CCSER1: variants seen among roughly 807,000 people sequenced by gnomAD.
CCSER1 encodes coiled-coil serine rich protein 1.
CCSER1 carries 41 observed loss-of-function variants against 82.0 expected under a neutral mutation model. The ratio of observed to expected loss-of-function variants is 0.50; its 90% CI spans 0.39 to 0.65. CCSER1 has a LOEUF of 0.65. Ranked by LOEUF, CCSER1 falls within the 30% of genes least tolerant of loss-of-function variation. The pLI is 0.00. For missense variants in CCSER1, 1,119 were observed against 1,064.2 expected, an observed-to-expected ratio of 1.05 and a Z score of -0.72; for synonymous variants, 414 against 383.9, an observed-to-expected ratio of 1.08 and a Z score of -0.92.
intron 8 of CCSER1, among the ~76,000 whole-genome samples, chr4:90,869,819 G>A (rs1766218647): frequency 6.6e-6 from 1 of 151,274 alleles, no homozygotes; most frequent in Non-Finnish European, 1.5e-5. Flanking sequence ...AACAGTATTG[G>A]GTCTTCTAAT....
intron 5 of CCSER1, among the ~76,000 whole-genome samples, chr4:90,562,281 G>A (rs538689800): frequency 6.6e-5 from 10 of 151,478 alleles, no homozygotes; most frequent in South Asian, 2.1e-4. Context: ...TGCAAAAGCC[G>A]TTCTTCAGCA....
chr4:90,419,467 A>G, intron 4 of CCSER1, among the ~76,000 whole-genome samples: 1 of 151,974 alleles, frequency 6.6e-6, no homozygotes, highest in Admixed American at 6.6e-5. Context: ...TACTCTGGTT[A>G]AAGAACTTAT....
chr4:91,115,604 G>T (rs1581584879), intron 10 of CCSER1, among the ~76,000 whole-genome samples: 2 of 151,900 alleles, frequency 1.3e-5, no homozygotes, highest in African/African-American at 2.4e-5. Flanking sequence ...TACTGATAAA[G>T]ACTAGAGAAA....
At chr4:90,417,081 G>T (rs1167059465) in intron 4 of CCSER1, among the ~76,000 whole-genome samples, 1 of 152,130 alleles carries the variant, frequency 6.6e-6, no homozygotes, top group Admixed American at 6.5e-5. Flanking sequence ...AGAGAATTAG[G>T]ACAAATACCT....
At chr4:90,722,183 C>T (rs1158624862) in intron 6 of CCSER1, among the ~76,000 whole-genome samples, 2 of 151,710 alleles carry the variant, frequency 1.3e-5, no homozygotes, top group East Asian at 1.9e-4. Context: ...TCAATTTTTA[C>T]AAATGAATGT....
intron 8 of CCSER1, among the ~76,000 whole-genome samples, chr4:90,835,849 C>T (rs1056727555): frequency 6.6e-6 from 1 of 151,804 alleles, no homozygotes; most frequent in South Asian, 2.1e-4. Flanking sequence ...GAATCTCATG[C>T]CATTGTGAAA....
chr4:91,294,236 A>G (rs1743988074), intron 10 of CCSER1, among the ~76,000 whole-genome samples: 1 of 151,994 alleles, frequency 6.6e-6, no homozygotes, highest in Non-Finnish European at 1.5e-5. Flanking sequence ...ATAGAAATAT[A>G]TGTGAAAATT....
At chr4:90,657,607 C>T (rs964622213) in intron 6 of CCSER1, among the ~76,000 whole-genome samples, 4 of 152,036 alleles carry the variant, frequency 2.6e-5, no homozygotes, top group Admixed American at 2.0e-4. Context: ...TTTTATCTGA[C>T]CTTCATTATG....
intron 10 of CCSER1, among the ~76,000 whole-genome samples, chr4:91,118,463 CAG>C (rs777170252): frequency 2.6e-5 from 4 of 151,814 alleles, no homozygotes; most frequent in Non-Finnish European, 4.4e-5. Context: ...TCTGTGGAGA[CAG>C]GGGCTCACTA....
chr4:91,034,245 T>A (rs193188777), intron 9 of CCSER1, among the ~76,000 whole-genome samples: 139 of 152,338 alleles, frequency 9.1e-4, no homozygotes, highest in African/African-American at 3.2e-3. Context: ...CTTCCTAGCC[T>A]TAAGTCCTAT....
At chr4:91,218,079 C>T (rs553149776) in intron 10 of CCSER1, among the ~76,000 whole-genome samples, 1 of 152,198 alleles carries the variant, frequency 6.6e-6, no homozygotes, top group African/African-American at 2.4e-5. Flanking sequence ...GTGGGAGGCT[C>T]AGGCATGGAG....
intron 1 of CCSER1, among the ~76,000 whole-genome samples, chr4:90,156,319 T>C (rs1471352176): frequency 6.6e-6 from 1 of 152,194 alleles, no homozygotes; most frequent in Non-Finnish European, 1.5e-5. Context: ...GGAATAGGTA[T>C]GGTGTGGTGC....
intron 9 of CCSER1, among the ~76,000 whole-genome samples, chr4:91,010,588 T>C (rs1738929643): frequency 7.4e-6 from 1 of 134,988 alleles, no homozygotes; most frequent in Non-Finnish European, 1.7e-5. Context: ...CCACAGGCTG[T>C]CTTAATTCTT....
chr4:90,583,800 A>T (rs984180676), intron 5 of CCSER1, among the ~76,000 whole-genome samples: 4 of 151,970 alleles, frequency 2.6e-5, no homozygotes, highest in Non-Finnish European at 5.9e-5. Flanking sequence ...CAAGGAAAAA[A>T]ACTGATTTTT....
intron 8 of CCSER1, among the ~76,000 whole-genome samples, chr4:90,921,126 A>C (rs1437623016): frequency 6.6e-6 from 1 of 151,818 alleles, no homozygotes; most frequent in Non-Finnish European, 1.5e-5. Flanking sequence ...CTTTTTGTAC[A>C]TATTAAATTT....
intron 7 of CCSER1, among the ~76,000 whole-genome samples, chr4:90,725,783 A>G (rs1433532022): frequency 6.6e-6 from 1 of 151,860 alleles, no homozygotes; most frequent in Non-Finnish European, 1.5e-5. Flanking sequence ...GAATTATATA[A>G]CAAATAGAAG....
In CCSER1 at chr4:91,317,473, A is replaced by G. The variant is rs112811889; in HGVS notation, c.2217+231479A>G. Among the ~76,000 whole-genome samples, 271 of 151,996 alleles carry G rather than the reference A, an allele frequency of 1.8e-3. 1 individual carries two copies. Among genetic ancestry groups the G allele is most frequent in the Middle Eastern group, 6.8e-3 (2 of 294 alleles). On this transcript the variant is annotated intron_variant, in intron 10 of 10. Transcript: ENST00000509176. ...TTTCACCTTGCCCCACTCTTCATAT[A>G]TTATGGAAGGGTAGGGCTCTCTGTT...
In CCSER1 at chr4:91,439,355, C is replaced by A. The variant is rs889789672; in HGVS notation, c.2218-159217C>A. Among the ~76,000 whole-genome samples, 9 of 152,114 alleles carry A rather than the reference C, an allele frequency of 5.9e-5. 1 individual carries two copies. The highest frequency in any genetic ancestry group is 2.2e-4 in the African/African-American group (9 of 41,494). On this transcript the variant is annotated intron_variant, in intron 10 of 10. Transcript: ENST00000509176. ...CATTCTTAAAGAAAAGAATTTTCAA[C>A]CCAGAATTTCATATCCAACCAAACT...
chr4:90,238,206 A>T (rs982218612), intron 1 of CCSER1, among the ~76,000 whole-genome samples: 1 of 152,150 alleles, frequency 6.6e-6, no homozygotes, highest in Non-Finnish European at 1.5e-5. Flanking sequence ...ATATAACTTC[A>T]GTTGTTTATC....
Sources: gnomAD v4.1 joint callset for allele counts (sites outside exome capture counted in the v4.1 genomes callset) on GRCh38, gnomAD v4.1.1 for gene constraint, MANE v1.5 for transcripts, NCBI Gene and HGNC (gene_info 2026-07-23, HGNC 2026-07-21) for gene names.